Variants in TBC1D19 observed in about 807,000 individuals in gnomAD.
TBC1D19 encodes the protein TBC1 domain family, member 19.
A neutral mutation model predicts 89.0 loss-of-function variants in TBC1D19; 60 were observed. That is an observed-to-expected ratio of 0.67 (90% CI 0.55 to 0.84). The LOEUF (loss-of-function observed/expected upper bound fraction) is 0.84. TBC1D19 is among the 40% of genes least tolerant of loss of function. The pLI, the probability that TBC1D19 is intolerant of heterozygous loss-of-function variation, is 0.00. For synonymous variants in TBC1D19, 189 were observed against 199.7 expected (o/e 0.95, Z 0.45); for missense variants, 500 against 610.8 (o/e 0.82, Z 1.91).
the TBC1D19 span, among the ~76,000 whole-genome samples, chr4:26,829,240 T>C: frequency 6.6e-5 from 10 of 152,230 alleles, no homozygotes. Context: ...GTTCAGTTGT[T>C]TAAATAATAC....
chr4:26,632,554 T>G (rs935529019), intron 4 of TBC1D19, among the ~76,000 whole-genome samples: 2 of 151,772 alleles, frequency 1.3e-5, no homozygotes, highest in Admixed American at 6.6e-5. Context: ...AGAGGAAGGG[T>G]TGGTCTTGCT....
At chr4:26,760,064 G>A (rs186694776), downstream of TBC1D19, among the ~76,000 whole-genome samples, 85 of 152,236 alleles carry the variant, frequency 5.6e-4, no homozygotes, top group Non-Finnish European at 1.1e-3. Flanking sequence ...ACTGTTTTAC[G>A]TTGCCACCAA....
chr4:26,735,005 T>TATGTATATGTATATGTGTATACACAC (rs1717921649), intron 15 of TBC1D19, among the ~76,000 whole-genome samples: 2 of 145,832 alleles, frequency 1.4e-5, no homozygotes, highest in East Asian at 4.1e-4. Flanking sequence ...TGTATACACA[T>TATGTATATGTATATGTGTATACACAC]ATGTATATGT....
chr4:26,658,490 C>G (rs1745018872), intron 7 of TBC1D19, among the ~76,000 whole-genome samples: 1 of 152,062 alleles, frequency 6.6e-6, no homozygotes, highest in South Asian at 2.1e-4. Flanking sequence ...GTTACTATAG[C>G]CTTGTAGTAT....
chr4:26,668,362 C>T (rs1711996353), intron 9 of TBC1D19, among the ~76,000 whole-genome samples: 2 of 151,878 alleles, frequency 1.3e-5, no homozygotes, highest in Non-Finnish European at 2.9e-5. Flanking sequence ...TATTTTTAAA[C>T]TACAGTGCAG....
the TBC1D19 span, among the ~76,000 whole-genome samples, chr4:26,796,019 C>A: frequency 6.6e-6 from 1 of 152,126 alleles, no homozygotes; most frequent in Non-Finnish European, 1.5e-5. Flanking sequence ...CACATTGAAT[C>A]TTGCTTCTGC....
chr4:26,776,202 T>C, the TBC1D19 span, among the ~76,000 whole-genome samples: 2 of 152,200 alleles, frequency 1.3e-5, no homozygotes, highest in Non-Finnish European at 2.9e-5. Context: ...TTGGTCATTG[T>C]TATTAGGCCT....
the TBC1D19 span, among the ~76,000 whole-genome samples, chr4:26,851,017 G>A: frequency 1.8e-3 from 268 of 152,316 alleles, 3 homozygotes; most frequent in African/African-American, 6.1e-3. Flanking sequence ...GGCAAATTCT[G>A]TTTCTTTCTC....
intron 15 of TBC1D19, among the ~76,000 whole-genome samples, chr4:26,735,093 C>CATGTATAT (rs758648612): frequency 6.7e-6 from 1 of 149,590 alleles, no homozygotes; most frequent in Non-Finnish European, 1.5e-5. Flanking sequence ...TATGTATACA[C>CATGTATAT]ATGTATATAT....
intron 7 of TBC1D19, among the ~76,000 whole-genome samples, chr4:26,655,774 C>G (rs1311619719): frequency 1.3e-5 from 2 of 152,246 alleles, no homozygotes; most frequent in African/African-American, 4.8e-5. Flanking sequence ...ATCTGTCACC[C>G]TTTTCCTTGG....
chr4:26,773,580 A>G, the TBC1D19 span, among the ~76,000 whole-genome samples: 1 of 152,090 alleles, frequency 6.6e-6, no homozygotes, highest in Non-Finnish European at 1.5e-5. Context: ...ATTTTCTTCT[A>G]GGGTTTTTAT....
At chr4:26,770,475 T>A in the TBC1D19 span, among the ~76,000 whole-genome samples, 1 of 152,110 alleles carries the variant, frequency 6.6e-6, no homozygotes, top group East Asian at 1.9e-4. Flanking sequence ...TTATCAATTA[T>A]TGGTGGAATG....
At chr4:26,577,081 G>A (rs999816339) in intron 1 of TBC1D19, among the ~76,000 whole-genome samples, 7 of 152,292 alleles carry the variant, frequency 4.6e-5, no homozygotes, top group Admixed American at 6.5e-5. Context: ...TAGAGAAGAA[G>A]GAATTCTTCC....
intron 3 of TBC1D19, among the ~76,000 whole-genome samples, chr4:26,618,420 T>G (rs748738772): frequency 1.3e-5 from 2 of 152,022 alleles, no homozygotes; most frequent in South Asian, 2.1e-4. Flanking sequence ...AATAGCAGGC[T>G]CAGAGATTTA....
chr4:26,721,492 CT>C (rs1356085115), intron 15 of TBC1D19, among the ~76,000 whole-genome samples: 2 of 152,086 alleles, frequency 1.3e-5, no homozygotes, highest in African/African-American at 4.8e-5. Flanking sequence ...CCTTTCAGTT[CT>C]TACTATCTCT....
intron 3 of TBC1D19, among the ~76,000 whole-genome samples, chr4:26,616,858 T>C (rs1465650330): frequency 6.6e-6 from 1 of 152,224 alleles, no homozygotes; most frequent in East Asian, 1.9e-4. Flanking sequence ...TTATATATTA[T>C]TGTGTTAATA....
intron 16 of TBC1D19, among the ~76,000 whole-genome samples, chr4:26,735,770 G>A (rs1718007339): frequency 6.6e-6 from 1 of 152,126 alleles, no homozygotes; most frequent in Non-Finnish European, 1.5e-5. Context: ...TCCAGGCGTG[G>A]TGGCTCACGC....
At chr4:26,589,260 G>GCGAGA (rs1445974890) in intron 1 of TBC1D19, among the ~76,000 whole-genome samples, 1 of 152,046 alleles carries the variant, frequency 6.6e-6, no homozygotes, top group African/African-American at 2.4e-5. Flanking sequence ...AGGGGACAGA[G>GCGAGA]CGAGACTCCA....
rs200695929 is a variant in TBC1D19 at position 26,626,059 on chromosome 4, TGAAA to T, written c.294+5374_294+5377del. Among the ~76,000 whole-genome samples the T allele has an allele frequency of 6.5e-3, 996 of 152,310 alleles. 8 individuals carry two copies. The highest frequency in any genetic ancestry group is 0.023 in the African/African-American group (943 of 41,580). On this transcript the variant is annotated intron_variant, in intron 4 of 20. Transcript: ENST00000264866. ...ATAAATTATTTGGAATTCCTCTGCA[TGAAA>T]GAGTTTCTCTCCTTCCCCATTTATT...
Sources: allele counts gnomAD v4.1 joint callset (sites outside exome capture counted in the v4.1 genomes callset), GRCh38; gene constraint gnomAD v4.1.1; transcripts MANE v1.5; gene names NCBI Gene and HGNC (gene_info 2026-07-23, HGNC 2026-07-21).